CHD6: variants seen among roughly 807,000 people sequenced by gnomAD.
CHD6 encodes the protein ATP-dependent chromatin remodeler CHD6.
A neutral mutation model predicts 276.9 loss-of-function variants in CHD6; 50 were observed. The observed-to-expected ratio is 0.18, with a 90% confidence interval of 0.14 to 0.23. CHD6 has a LOEUF of 0.23. Ranked by LOEUF, CHD6 falls within the 10% of genes least tolerant of loss-of-function variation. The probability of loss-of-function intolerance (pLI) is 1.00; values close to 1 mark genes in which losing one functional copy is unlikely to be tolerated. For missense variants in CHD6, 2,564 were observed against 3,365.8 expected (o/e 0.76, Z 5.89); for synonymous variants, 1,173 against 1,229.3 (o/e 0.95, Z 0.96).
intron 1 of CHD6, among the ~76,000 whole-genome samples, chr20:41,609,838 CTTTTT>C (rs986404870): frequency 6.8e-6 from 1 of 146,470 alleles, no homozygotes; most frequent in African/African-American, 2.5e-5. Context: ...TCTGTGTTTC[CTTTTT>C]TTTTCTTTTT....
intron 3 of CHD6, among the ~76,000 whole-genome samples, chr20:41,516,442 G>A (rs545666997): frequency 5.6e-4 from 85 of 152,254 alleles, no homozygotes; most frequent in Middle Eastern, 3.4e-3. Context: ...CCAGAGTGCT[G>A]AGATTACAGG....
chr20:41,490,552 C>A (rs1435129814), intron 11 of CHD6, among the ~76,000 whole-genome samples: 1 of 152,184 alleles, frequency 6.6e-6, no homozygotes, highest in Non-Finnish European at 1.5e-5. Flanking sequence ...GTGGCTCACA[C>A]CTGTAATCCC....
intron 1 of CHD6, among the ~76,000 whole-genome samples, chr20:41,604,508 A>G (rs2045807142): frequency 6.6e-6 from 1 of 152,222 alleles, no homozygotes; most frequent in Non-Finnish European, 1.5e-5. Flanking sequence ...GATGTCTTAG[A>G]GTTGGCTATG....
At chr20:41,614,284 GAAATTTTC>G (rs1601199022) in intron 1 of CHD6, among the ~76,000 whole-genome samples, 1 of 152,150 alleles carries the variant, frequency 6.6e-6, no homozygotes, top group South Asian at 2.1e-4. Context: ...CCAGCATCCT[GAAATTTTC>G]AAATACTGTC....
In CHD6 at chr20:41,487,441, A is replaced by G. The variant is rs1275714196; in HGVS notation, c.2001+224T>C. Among the ~76,000 whole-genome samples the G allele has an allele frequency of 3.9e-5, 6 of 152,222 alleles. No individual in the cohort carries two copies. The South Asian group carries it at 6.2e-4, about 16-fold the overall frequency. ...CACCAACATAAAATATTTTGGGCGC[A>G]TAAGATATTTTGGGTATGGACCCAT... On this transcript the variant is annotated intron_variant, in intron 14 of 36. Transcript: ENST00000373233.
rs962555016 is a variant in CHD6 at position 41,405,489 on chromosome 20, C to T, written c.7252G>A (p.Gly2418Arg). 5.8e-6 allele frequency: 9 copies of T among 1,542,550 alleles called. No individual in the cohort carries two copies. In the Admixed American group the frequency reaches 1.9e-4, roughly 32 times the overall value. The change falls in exon 37 of 37, where the codon GGG (glycine) becomes AGG (arginine). Residue 2418 changes from glycine (G) to arginine (R), a missense_variant and splice_region_variant. Transcript: ENST00000373233. ...PAIPKEPGLR[G>R]FLPENKFNHT... is the part of the protein sequence containing the mutation. The stretch of plus-strand genomic sequence containing the variant: ...TTGAACTTGTTTTCTGGAAGAAACC[C>T]CTGGAAAAACAAAGAAACACAAAAT...
chr20:41,412,877 G>A (rs1359077250), intron 35 of CHD6, among the ~76,000 whole-genome samples: 3 of 152,080 alleles, frequency 2.0e-5, no homozygotes, highest in East Asian at 1.9e-4. Context: ...AGGACAGACC[G>A]TCCCCCAACC....
At chr20:41,568,838 T>G (rs533247362) in intron 1 of CHD6, among the ~76,000 whole-genome samples, 254 of 152,318 alleles carry the variant, frequency 1.7e-3, no homozygotes, top group African/African-American at 5.9e-3. Context: ...CCTGATGGCT[T>G]CCACAGTCAT....
At chr20:41,503,815 C>T (rs532443972) in intron 5 of CHD6, among the ~76,000 whole-genome samples, 1 of 152,120 alleles carries the variant, frequency 6.6e-6, no homozygotes, top group African/African-American at 2.4e-5. Flanking sequence ...CAGTGGCTCA[C>T]GCCTGTAATC....
intron 1 of CHD6, among the ~76,000 whole-genome samples, chr20:41,578,703 A>AG (rs531240485): frequency 3.2e-4 from 49 of 151,226 alleles, no homozygotes; most frequent in African/African-American, 9.2e-4. Context: ...AAAAAAAAAA[A>AG]AAAGAAAGAA....
intron 3 of CHD6, among the ~76,000 whole-genome samples, chr20:41,515,843 G>C (rs1399091792): frequency 6.6e-6 from 1 of 152,216 alleles, no homozygotes; most frequent in East Asian, 1.9e-4. Context: ...GTATTCCTCA[G>C]AGTGAGTAGT....
At chr20:41,530,816 AT>A (rs1408908373) in intron 3 of CHD6, among the ~76,000 whole-genome samples, 2 of 152,206 alleles carry the variant, frequency 1.3e-5, no homozygotes, top group Non-Finnish European at 2.9e-5. Context: ...TAAAGAGATG[AT>A]CACTTCTGTC....
At chr20:41,459,096 G>A (rs887491041) in intron 17 of CHD6, among the ~76,000 whole-genome samples, 1 of 152,140 alleles carries the variant, frequency 6.6e-6, no homozygotes, top group Non-Finnish European at 1.5e-5. Flanking sequence ...AGAGAAAGGG[G>A]TAAGTCTAAG....
chr20:41,599,148 G>A (rs988681315), intron 1 of CHD6, among the ~76,000 whole-genome samples: 4 of 152,134 alleles, frequency 2.6e-5, no homozygotes, highest in African/African-American at 7.2e-5. Context: ...TTATACTAGG[G>A]ATGCCATTAA....
rs145354166 is a variant in CHD6 at position 41,402,360 on chromosome 20, C to T, written c.*2233G>A. Reference sequence around the variant, plus strand: ...GGTCACAACAGCAGTCAAATAGAAGCCTGAACACCCAGAGAGTTAACATAC... The same window carrying T: ...GGTCACAACAGCAGTCAAATAGAAGTCTGAACACCCAGAGAGTTAACATAC... On this transcript the variant is annotated 3_prime_UTR_variant, in exon 37 of 37. Coordinates refer to ENST00000373233, the MANE Select transcript of CHD6 (RefSeq NM_032221.5). The T allele has an allele frequency of 6.8e-4, 155 of 228,836 alleles. No homozygotes were observed. Among genetic ancestry groups the T allele is most frequent in the African/African-American group, 3.2e-3 (143 of 45,184 alleles). 14.2% of individuals were successfully genotyped at this position (228,836 alleles called of 1,614,324 possible).
chr20:41,470,480 G>C (rs2043028797), intron 17 of CHD6, among the ~76,000 whole-genome samples: 1 of 152,116 alleles, frequency 6.6e-6, no homozygotes, highest in Admixed American at 6.5e-5. Context: ...CCTCAGTGCT[G>C]GTCTTCTTCG....
intron 2 of CHD6, among the ~76,000 whole-genome samples, chr20:41,545,012 A>G (rs999119315): frequency 2.0e-5 from 3 of 152,180 alleles, no homozygotes; most frequent in African/African-American, 7.2e-5. Context: ...AGAGAAAATA[A>G]TAACTAATAA....
At chr20:41,451,546 C>A (rs1405013991) in intron 22 of CHD6, among the ~76,000 whole-genome samples, 1 of 152,052 alleles carries the variant, frequency 6.6e-6, no homozygotes, top group Non-Finnish European at 1.5e-5. Flanking sequence ...ACTGTGCATC[C>A]CTAATTCAGA....
chr20:41,562,696 G>C (rs2045314467), intron 1 of CHD6, among the ~76,000 whole-genome samples: 1 of 152,142 alleles, frequency 6.6e-6, no homozygotes, highest in South Asian at 2.1e-4. Context: ...AAGACGACAT[G>C]TCAAAAAATA....
Sources: gnomAD v4.1 joint callset for allele counts (sites outside exome capture counted in the v4.1 genomes callset) on GRCh38, gnomAD v4.1.1 for gene constraint, MANE v1.5 for transcripts, NCBI Gene and HGNC (gene_info 2026-07-23, HGNC 2026-07-21) for gene names.